The following MIGA1 variants were observed in gnomAD, a reference collection of about 807,000 sequenced individuals.
MIGA1 encodes family with sequence similarity 73, member A.
A neutral mutation model predicts 82.0 loss-of-function variants in MIGA1; 58 were observed. The observed-to-expected ratio is 0.71, with a 90% CI of 0.57 to 0.88. The LOEUF (loss-of-function observed/expected upper bound fraction) is 0.88. Ranked by LOEUF, MIGA1 falls within the 40% of genes least tolerant of loss-of-function variation. The pLI, the probability that MIGA1 is intolerant of heterozygous loss-of-function variation, is 0.00. For missense variants in MIGA1, 751 were observed against 749.1 expected, an observed-to-expected ratio of 1.00 and a Z score of -0.03; for synonymous variants, 249 against 253.6, an observed-to-expected ratio of 0.98 and a Z score of 0.17.
chr1:77,859,189 C>T (rs1421150383), intron 9 of MIGA1, 125 bp from the exon 10 acceptor site: 3 of 980,784 alleles, frequency 3.1e-6, no homozygotes, highest in Non-Finnish European at 3.2e-6. Context: ...TTTACATGTT[C>T]TGTCAGTATT....
chr1:77,835,415 T>A (rs533557722), intron 7 of MIGA1, among the ~76,000 whole-genome samples: 4 of 152,310 alleles, frequency 2.6e-5, no homozygotes, highest in Admixed American at 6.5e-5. Flanking sequence ...AAATTTTTTT[T>A]AATTATAGAT....
chr1:77,855,549 G>T (rs1430587448), intron 8 of MIGA1, among the ~76,000 whole-genome samples: 2 of 151,886 alleles, frequency 1.3e-5, no homozygotes, highest in African/African-American at 4.8e-5. Flanking sequence ...CATTTGTTTG[G>T]GTCGTCTCTG....
At chr1:77,795,865 C>A (rs992170195) in intron 2 of MIGA1, among the ~76,000 whole-genome samples, 1 of 151,642 alleles carries the variant, frequency 6.6e-6, no homozygotes, top group African/African-American at 2.4e-5. Flanking sequence ...AACTCCTGAC[C>A]TCAAGCTATC....
chr1:77,794,793 C>G (rs1051790769), intron 2 of MIGA1, among the ~76,000 whole-genome samples: 5 of 151,922 alleles, frequency 3.3e-5, no homozygotes, highest in African/African-American at 1.2e-4. Context: ...AGAGCGAGAC[C>G]CTGTCTTTTG....
chr1:77,783,880 A>G (rs1682027805), intron 2 of MIGA1, among the ~76,000 whole-genome samples: 1 of 152,182 alleles, frequency 6.6e-6, no homozygotes, highest in African/African-American at 2.4e-5. Flanking sequence ...GTCTGTATGA[A>G]TTCGACCAGG....
At chr1:77,804,253 A>G (rs1267069548) in intron 4 of MIGA1, among the ~76,000 whole-genome samples, 1 of 152,098 alleles carries the variant, frequency 6.6e-6, no homozygotes. Context: ...TTAATACAGT[A>G]TTGACTGACA....
At chr1:77,797,535 G>A (rs189706969) in intron 2 of MIGA1, among the ~76,000 whole-genome samples, 101 of 151,916 alleles carry the variant, frequency 6.6e-4, no homozygotes, top group African/African-American at 2.3e-3. Flanking sequence ...AATTTTTCTG[G>A]GTTTTTTATT....
chr1:77,803,770 G>A (rs957415006), intron 4 of MIGA1, among the ~76,000 whole-genome samples: 2 of 152,156 alleles, frequency 1.3e-5, no homozygotes, highest in African/African-American at 4.8e-5. Context: ...AAAGGTAACG[G>A]GGGGTGGAGG....
chr1:77,818,944 G>T (rs756889314), intron 7 of MIGA1, among the ~76,000 whole-genome samples: 9 of 151,900 alleles, frequency 5.9e-5, no homozygotes, highest in Non-Finnish European at 1.3e-4. Context: ...GCTGGGCATG[G>T]TGGTGGGTGC....
At chr1:77,855,766 C>G (rs1197405557) in intron 8 of MIGA1, among the ~76,000 whole-genome samples, 3 of 151,660 alleles carry the variant, frequency 2.0e-5, no homozygotes, top group Non-Finnish European at 4.4e-5. Context: ...ACTGCTGATT[C>G]TTTTATCAGT....
In MIGA1 at chr1:77,847,131, T is replaced by C; in HGVS notation, c.996+3724T>C. 3 of 1,000,376 alleles carry C rather than the reference T, an allele frequency of 3.0e-6. No individual in the cohort carries two copies. The South Asian group carries it at 3.8e-5, about 13-fold the overall frequency. 62.0% of individuals were successfully genotyped at this position (1,000,376 alleles called of 1,614,324 possible). ...AGATGGTGATTCTGGGCAGGCAGTA[T>C]GGGTTTATTTTGCCAAAGAAAACAC... On this transcript the variant is annotated intron_variant, in intron 8 of 15. Transcript: ENST00000370791.
At chr1:77,803,428 A>C (rs1402137781) in intron 4 of MIGA1, 22 bp downstream of exon 4, 2 of 1,275,150 alleles carry the variant, frequency 1.6e-6, no homozygotes, top group Non-Finnish European at 2.1e-6. Flanking sequence ...AAAAATATTA[A>C]TTTTTAAAAT....
intron 7 of MIGA1, among the ~76,000 whole-genome samples, chr1:77,836,085 G>A (rs747570529): frequency 6.6e-6 from 1 of 152,034 alleles, no homozygotes; most frequent in Non-Finnish European, 1.5e-5. Context: ...TCCTGGGGAC[G>A]GTCCATTTAT....
At chr1:77,862,238 G>A (rs947989698) in intron 12 of MIGA1, 1 of 145,362 alleles carries the variant, frequency 6.9e-6, no homozygotes, top group African/African-American at 2.6e-5. Flanking sequence ...CCTGAGGTCA[G>A]GAGTTCGAGA....
chr1:77,817,298 G>A (rs6700924), intron 7 of MIGA1, among the ~76,000 whole-genome samples: 14,510 of 152,112 alleles, frequency 0.095, 837 homozygotes, highest in Middle Eastern at 0.19. Flanking sequence ...TCTTAGTTTT[G>A]GGGGCTTAGT....
At chr1:77,806,704 T>C (rs1683113422) in intron 4 of MIGA1, among the ~76,000 whole-genome samples, 1 of 152,176 alleles carries the variant, frequency 6.6e-6, no homozygotes, top group South Asian at 2.1e-4. Context: ...AAAGAATAAA[T>C]GATATAAACA....
chr1:77,780,690 C>A (rs1223169441), intron 1 of MIGA1, among the ~76,000 whole-genome samples: 1 of 152,016 alleles, frequency 6.6e-6, no homozygotes, highest in Non-Finnish European at 1.5e-5. Context: ...TTTATAGATT[C>A]CGTCTATAAA....
chr1:77,791,192 C>T (rs1235450158), intron 2 of MIGA1, among the ~76,000 whole-genome samples: 1 of 146,850 alleles, frequency 6.8e-6, no homozygotes, highest in Non-Finnish European at 1.5e-5. Context: ...GTATTAAGCT[C>T]TGATTGCATT....
rs569182822 is a variant in MIGA1, at chr1:77,847,047, T to C, written c.996+3640T>C. 2.7e-4 allele frequency: 198 copies of C among 730,360 alleles called. 4 individuals are homozygous for C. The highest frequency in any genetic ancestry group is 2.6e-3 in the South Asian group (180 of 68,610). The allele number at this position is 730,360 out of a possible 1,614,324, so 45.2% of individuals were successfully genotyped here. A position where few individuals can be genotyped will look rare whatever the true frequency, so the allele number is the denominator to read the frequency against. ...CACCTCTCTGATTTGACGACACTTA[T>C]TTATAGCAATCCAGAAACTACACCA... On this transcript the variant is annotated intron_variant, in intron 8 of 15. Coordinates refer to ENST00000370791, the MANE Select transcript of MIGA1 (RefSeq NM_198549.4).
Sources: gnomAD v4.1 joint callset for allele counts (sites outside exome capture counted in the v4.1 genomes callset) on GRCh38, gnomAD v4.1.1 for gene constraint, MANE v1.5 for transcripts, NCBI Gene and HGNC (gene_info 2026-07-23, HGNC 2026-07-21) for gene names.